The following CUBN variants were observed in gnomAD, a reference collection of about 807,000 sequenced individuals.
CUBN encodes cubilin, also known as 460 kDa receptor.
Under a neutral mutation model 405.3 loss-of-function variants are expected in CUBN, and 282 were observed. The ratio of observed to expected loss-of-function variants is 0.70; its 90% CI spans 0.63 to 0.77. The LOEUF (loss-of-function observed/expected upper bound fraction) is 0.77. Ranked by LOEUF, CUBN falls within the 30% of genes least tolerant of loss-of-function variation. The pLI is 0.00. For missense variants in CUBN, 4,514 were observed against 4,475.2 expected, an observed-to-expected ratio of 1.01 and a Z score of -0.25; for synonymous variants, 1,684 against 1,617.0, an observed-to-expected ratio of 1.04 and a Z score of -0.99.
Position 16,999,803 on chromosome 10 carries a change from G to T in CUBN, c.4169-9288C>A, listed in dbSNP as rs562595492. On this transcript the variant is annotated intron_variant, in intron 28 of 66. Transcript: ENST00000377833. ...CAATTTCATTATTTTGGTACACAGG[G>T]CTCTTGCAGGGAAAAGCTCAAAGAG... Among the ~76,000 whole-genome samples, 21 of 152,242 alleles carry T rather than the reference G, an allele frequency of 1.4e-4. No individual in the cohort carries two copies. The South Asian group carries it at 3.7e-3, about 27-fold the overall frequency.
intron 17 of CUBN, among the ~76,000 whole-genome samples, chr10:17,073,879 G>T (rs565113937): frequency 6.6e-6 from 1 of 152,200 alleles, no homozygotes; most frequent in African/African-American, 2.4e-5. Flanking sequence ...TCATGGGATT[G>T]TTGAAGCAAA....
At chr10:16,859,103 A>G (rs1186514251) in intron 59 of CUBN, among the ~76,000 whole-genome samples, 1 of 152,228 alleles carries the variant, frequency 6.6e-6, no homozygotes, top group Non-Finnish European at 1.5e-5. Flanking sequence ...ATGATCTATA[A>G]AAGAAAAAGT....
chr10:16,863,415 C>T (rs545302491), intron 59 of CUBN, among the ~76,000 whole-genome samples: 2 of 152,284 alleles, frequency 1.3e-5, no homozygotes, highest in South Asian at 2.1e-4. Context: ...GCAATACCCT[C>T]ATTATTGCTA....
intron 55 of CUBN, among the ~76,000 whole-genome samples, chr10:16,889,776 C>T (rs1354409916): frequency 6.6e-6 from 1 of 151,664 alleles, no homozygotes. Context: ...GTGGCACACA[C>T]CTGTAGTCCC....
chr10:16,843,604 GT>G (rs1839424316), intron 60 of CUBN, among the ~76,000 whole-genome samples: 1 of 152,164 alleles, frequency 6.6e-6, no homozygotes, highest in African/African-American at 2.4e-5. Context: ...TGGTAAACAA[GT>G]TAAAATTTCA....
At chr10:16,966,172 A>G (rs1687708) in intron 31 of CUBN, among the ~76,000 whole-genome samples, 52,152 of 151,692 alleles carry the variant, frequency 0.34, 9,074 homozygotes, top group Middle Eastern at 0.45. Context: ...AGAAAGTCTT[A>G]TATTGGGCTC....
intron 14 of CUBN, among the ~76,000 whole-genome samples, chr10:17,099,147 A>G (rs779380750): frequency 6.6e-6 from 1 of 152,212 alleles, no homozygotes; most frequent in Non-Finnish European, 1.5e-5. Context: ...CCTAGGTAGC[A>G]TCAGGATAGA....
At chr10:16,914,923 TA>T (rs1816032654) in intron 47 of CUBN, 108 bp downstream of exon 47, 2 of 957,754 alleles carry the variant, frequency 2.1e-6, no homozygotes, top group Non-Finnish European at 3.3e-6. Flanking sequence ...TCCAAGAAAA[TA>T]GGGGTCATGT....
intron 55 of CUBN, 132 bp from the exon 56 acceptor site, chr10:16,888,698 A>C: frequency 1.3e-6 from 1 of 766,836 alleles, no homozygotes; most frequent in Non-Finnish European, 2.3e-6. Flanking sequence ...GGAAGAAGCA[A>C]GAATGAAGAG....
intron 36 of CUBN, among the ~76,000 whole-genome samples, chr10:16,940,729 C>T (rs551175655): frequency 3.3e-5 from 5 of 152,174 alleles, no homozygotes; most frequent in African/African-American, 1.2e-4. Context: ...CAGAAAACCA[C>T]GAGATACCTG....
At chr10:16,872,219 G>A (rs972170390) in intron 58 of CUBN, among the ~76,000 whole-genome samples, 3 of 152,004 alleles carry the variant, frequency 2.0e-5, no homozygotes, top group African/African-American at 7.3e-5. Flanking sequence ...CAGCCTGGGC[G>A]ACAGAGTGAG....
At chr10:17,053,348 T>A (rs1835316414) in intron 22 of CUBN, among the ~76,000 whole-genome samples, 1 of 151,932 alleles carries the variant, frequency 6.6e-6, no homozygotes, top group South Asian at 2.1e-4. Context: ...TTATATATAA[T>A]GGTGAAACTA....
At chr10:17,032,473 A>G (rs1834806605) in intron 27 of CUBN, among the ~76,000 whole-genome samples, 1 of 152,148 alleles carries the variant, frequency 6.6e-6, no homozygotes, top group African/African-American at 2.4e-5. Context: ...TCCTGCACTG[A>G]GTATGGTTCC....
At chr10:16,847,646 C>G (rs1839557393) in intron 60 of CUBN, among the ~76,000 whole-genome samples, 1 of 152,156 alleles carries the variant, frequency 6.6e-6, no homozygotes, top group Admixed American at 6.5e-5. Flanking sequence ...GGTACAGGGC[C>G]TGGCACATAC....
intron 31 of CUBN, among the ~76,000 whole-genome samples, chr10:16,975,566 T>C (rs4587628): frequency 0.56 from 83,963 of 151,050 alleles, 23,701 homozygotes; most frequent in African/African-American, 0.59. Flanking sequence ...ATACCCACCA[T>C]GGTCAAAACT....
Position 17,041,026 on chromosome 10 carries a change from T to C in CUBN, c.4017+7A>G. The C allele has an allele frequency of 6.2e-7, 1 of 1,612,090 alleles. No homozygotes were observed. The highest frequency in any genetic ancestry group is 8.5e-7 in the Non-Finnish European group (1 of 1,178,132). ...AGCAGTGATCAATCAAGCTTTATAATACATACCTCTAAATAATCTGTGGAG... is the reference window on the plus strand; with the variant it reads ...AGCAGTGATCAATCAAGCTTTATAACACATACCTCTAAATAATCTGTGGAG... On this transcript the variant is annotated splice_region_variant and intron_variant, in intron 27 of 66. Transcript: ENST00000377833.
At chr10:17,115,396 G>T in intron 7 of CUBN, 75 bp downstream of exon 7, 2 of 1,584,814 alleles carry the variant, frequency 1.3e-6, no homozygotes, top group Non-Finnish European at 8.6e-7. Context: ...GTGCTTGTAT[G>T]CAGTGGGCAT....
chr10:17,129,500 C>A, intron 1 of CUBN, 144 bp downstream of exon 1: 1 of 1,127,544 alleles, frequency 8.9e-7, no homozygotes, highest in Non-Finnish European at 1.3e-6. Context: ...TAATTTCATA[C>A]CTCAGTCTAA....
chr10:17,034,674 C>A (rs1275910563), intron 27 of CUBN, among the ~76,000 whole-genome samples: 1 of 152,076 alleles, frequency 6.6e-6, no homozygotes, highest in Non-Finnish European at 1.5e-5. Flanking sequence ...GATTTGGTAG[C>A]CAGTTATAAG....
Sources: allele counts gnomAD v4.1 joint callset (sites outside exome capture counted in the v4.1 genomes callset), GRCh38; gene constraint gnomAD v4.1.1; transcripts MANE v1.5; gene names NCBI Gene and HGNC (gene_info 2026-07-23, HGNC 2026-07-21).